TANC1: variants seen among roughly 807,000 people sequenced by gnomAD.
TANC1 encodes the protein tetratricopeptide repeat, ankyrin repeat and coiled-coil containing 1.
In TANC1, 77 loss-of-function variants were observed where a neutral mutation model predicts 149.7. The ratio of observed to expected loss-of-function variants is 0.51; its 90% CI spans 0.43 to 0.62. The LOEUF (loss-of-function observed/expected upper bound fraction) is 0.62. TANC1 is among the 20% of genes least tolerant of loss of function. The probability of loss-of-function intolerance (pLI) is 0.00; values close to 1 mark genes in which losing one functional copy is unlikely to be tolerated. For missense variants in TANC1, 1,985 were observed against 2,321.8 expected (o/e 0.85, Z 2.98); for synonymous variants, 854 against 925.0 (o/e 0.92, Z 1.39).
At chr2:158,993,397 G>A (rs562801640) in intron 1 of TANC1, among the ~76,000 whole-genome samples, 7 of 152,262 alleles carry the variant, frequency 4.6e-5, no homozygotes, top group African/African-American at 1.7e-4. Flanking sequence ...GATTATAGAT[G>A]CATGCCAGCA....
intron 2 of TANC1, among the ~76,000 whole-genome samples, chr2:159,030,573 G>T (rs960438879): frequency 1.3e-5 from 2 of 152,174 alleles, no homozygotes; most frequent in South Asian, 4.1e-4. Flanking sequence ...AGAAGACACA[G>T]TTGTAGCCAT....
chr2:159,224,276 C>T lies in TANC1; in HGVS notation c.3723C>T (p.Asp1241=). The change falls in exon 23 of 27, where the codon GAC becomes GAT. Residue 1241 remains aspartate (D), a synonymous_variant. Coordinates refer to ENST00000263635, the MANE Select transcript of TANC1 (RefSeq NM_033394.3). The part of the protein sequence containing the change: ...VEKGAVIEHV[D]HSGMRPLDRA... ...AGGGAGCCGTGATCGAGCATGTGGA[C>T]CACAGCGGGATGCGGCCCTTGGACA... 2 of 1,614,178 alleles carry T rather than the reference C, an allele frequency of 1.2e-6. No homozygotes were observed. Among genetic ancestry groups the T allele is most frequent in the African/African-American group, 1.3e-5 (1 of 75,048 alleles).
intron 2 of TANC1, chr2:159,004,343 G>A: frequency 1.2e-6 from 2 of 1,606,860 alleles, no homozygotes; most frequent in South Asian, 2.2e-5. Context: ...TTTGGAAGCT[G>A]GCATGGACTA....
chr2:159,007,388 C>T (rs1039313150), intron 2 of TANC1, among the ~76,000 whole-genome samples: 1 of 152,072 alleles, frequency 6.6e-6, no homozygotes, highest in African/African-American at 2.4e-5. Context: ...TCAGGTGATC[C>T]GCCCTCCTTG....
At chr2:159,155,145 T>G (rs1263592795) in intron 7 of TANC1, among the ~76,000 whole-genome samples, 2 of 152,266 alleles carry the variant, frequency 1.3e-5, no homozygotes, top group Non-Finnish European at 2.9e-5. Context: ...ATTTAATTTG[T>G]GTTTATGTAC....
intron 3 of TANC1, among the ~76,000 whole-genome samples, chr2:159,080,345 C>G (rs969097398): frequency 1.3e-5 from 2 of 152,158 alleles, no homozygotes; most frequent in African/African-American, 2.4e-5. Flanking sequence ...GACTGCATTT[C>G]TGGGCTTAGA....
chr2:159,077,957 T>C (rs1180991049), intron 3 of TANC1, among the ~76,000 whole-genome samples: 4 of 152,228 alleles, frequency 2.6e-5, no homozygotes, highest in African/African-American at 9.6e-5. Context: ...CCTTAGGTTA[T>C]GATCAAACTA....
At chr2:159,112,555 CTT>C (rs34643604) in intron 4 of TANC1, among the ~76,000 whole-genome samples, 24,263 of 129,888 alleles carry the variant, frequency 0.19, 2,155 homozygotes, top group Middle Eastern at 0.27. Flanking sequence ...TGCACCCAGC[CTT>C]TTTTTTTTTT....
At chr2:159,044,757 C>T (rs1290530570) in intron 2 of TANC1, among the ~76,000 whole-genome samples, 1 of 152,176 alleles carries the variant, frequency 6.6e-6, no homozygotes, top group Non-Finnish European at 1.5e-5. Flanking sequence ...GTTGGAAATA[C>T]TGCCCCAAGG....
chr2:159,025,670 T>A (rs1469095229), intron 2 of TANC1, among the ~76,000 whole-genome samples: 1 of 152,222 alleles, frequency 6.6e-6, no homozygotes, highest in Non-Finnish European at 1.5e-5. Context: ...TTCAGGGATG[T>A]TGGATACATG....
At chr2:159,160,267 T>G (rs1474803975) in intron 7 of TANC1, among the ~76,000 whole-genome samples, 2 of 152,160 alleles carry the variant, frequency 1.3e-5, no homozygotes, top group Admixed American at 6.5e-5. Flanking sequence ...ATGCTAGAAT[T>G]TTTAAATTAT....
At chr2:159,168,957 A>C (rs2054894363) in intron 8 of TANC1, among the ~76,000 whole-genome samples, 1 of 152,194 alleles carries the variant, frequency 6.6e-6, no homozygotes, top group South Asian at 2.1e-4. Flanking sequence ...CATGATTGTC[A>C]GATTTCCTCA....
chr2:159,146,898 A>C (rs931145508), intron 5 of TANC1, among the ~76,000 whole-genome samples: 1 of 151,916 alleles, frequency 6.6e-6, no homozygotes, highest in African/African-American at 2.4e-5. Flanking sequence ...TCCCCAACTT[A>C]TCTGAAATGG....
chr2:159,076,669 G>A (rs1412687548), intron 3 of TANC1, among the ~76,000 whole-genome samples: 1 of 152,154 alleles, frequency 6.6e-6, no homozygotes, highest in Non-Finnish European at 1.5e-5. Flanking sequence ...CTATGATAAA[G>A]TAATGACATT....
intron 2 of TANC1, among the ~76,000 whole-genome samples, chr2:159,035,730 T>C (rs972463642): frequency 1.3e-5 from 2 of 152,162 alleles, no homozygotes; most frequent in African/African-American, 4.8e-5. Flanking sequence ...GGAGGGACAG[T>C]CTTCCTCCTC....
In TANC1 at chr2:159,139,658, A is replaced by G. The variant is rs1338403473; in HGVS notation, c.364+3360A>G. The stretch of plus-strand genomic sequence containing the variant: ...GAGGGGCTAGAAAGTTTTTAGTCTC[A>G]TAAGTCATTGCTCTGTGAAGATCAA... On this transcript the variant is annotated intron_variant, in intron 5 of 26. Transcript: ENST00000263635. Among the ~76,000 whole-genome samples the G allele has an allele frequency of 7.9e-5, 12 of 152,368 alleles. No homozygotes were observed. The East Asian group carries it at 2.1e-3, about 27-fold the overall frequency.
At chr2:159,224,426 G>T in intron 23 of TANC1, 62 bp downstream of exon 23, 1 of 1,598,928 alleles carries the variant, frequency 6.3e-7, no homozygotes, top group Non-Finnish European at 8.6e-7. Flanking sequence ...TAGAAGCCTA[G>T]ACAGCACAGA....
chr2:159,068,998 C>T (rs561303290), intron 3 of TANC1, among the ~76,000 whole-genome samples: 1 of 152,286 alleles, frequency 6.6e-6, no homozygotes, highest in South Asian at 2.1e-4. Flanking sequence ...GCCTCGGCCT[C>T]GCAAAGTGCT....
intron 2 of TANC1, among the ~76,000 whole-genome samples, chr2:159,002,658 G>C (rs573610372): frequency 1.1e-4 from 17 of 152,270 alleles, no homozygotes; most frequent in African/African-American, 4.1e-4. Context: ...TTAGTGAGGC[G>C]TTTGTGAGCT....
Sources: allele counts gnomAD v4.1 joint callset (sites outside exome capture counted in the v4.1 genomes callset), GRCh38; gene constraint gnomAD v4.1.1; transcripts MANE v1.5; gene names NCBI Gene and HGNC (gene_info 2026-07-23, HGNC 2026-07-21).